Variants in IL1R1 observed in about 807,000 individuals in gnomAD.
The protein encoded by IL1R1 is interleukin-1 receptor type 1.
IL1R1 carries 22 observed loss-of-function variants against 50.2 expected under a neutral mutation model. The ratio of observed to expected loss-of-function variants is 0.44; its 90% CI spans 0.31 to 0.63. The LOEUF (loss-of-function observed/expected upper bound fraction) is 0.63. Ranked by LOEUF, IL1R1 falls within the 20% of genes least tolerant of loss-of-function variation. The pLI, the probability that IL1R1 is intolerant of heterozygous loss-of-function variation, is 0.07. For synonymous variants in IL1R1, 251 were observed against 236.7 expected (o/e 1.06, Z -0.55); for missense variants, 509 against 676.2 (o/e 0.75, Z 2.74).
At chr2:102,163,134 C>T (rs1444072522) in intron 3 of IL1R1, among the ~76,000 whole-genome samples, 1 of 152,108 alleles carries the variant, frequency 6.6e-6, no homozygotes, top group Non-Finnish European at 1.5e-5. Context: ...TTGTCCTCTG[C>T]AATAATTGTG....
intron 1 of IL1R1, among the ~76,000 whole-genome samples, chr2:102,130,969 G>A (rs1681998022): frequency 6.6e-6 from 1 of 152,222 alleles, no homozygotes; most frequent in South Asian, 2.1e-4. Context: ...GCTTACTGAT[G>A]TGAGAGTTTC....
chr2:102,104,192 A>G (rs1433519648), upstream of IL1R1, among the ~76,000 whole-genome samples: 1 of 152,000 alleles, frequency 6.6e-6, no homozygotes, highest in Non-Finnish European at 1.5e-5. Context: ...GGCCACCATG[A>G]GAAGTGGGCC....
At chr2:102,085,776 T>C (rs1336247408) in intron 1 of IL1R1, among the ~76,000 whole-genome samples, 2 of 152,154 alleles carry the variant, frequency 1.3e-5, no homozygotes, top group East Asian at 1.9e-4. Flanking sequence ...TTGCAATTAA[T>C]TTATAAATCA....
chr2:102,132,377 G>A (rs1682084731), intron 1 of IL1R1, among the ~76,000 whole-genome samples: 1 of 152,092 alleles, frequency 6.6e-6, no homozygotes, highest in African/African-American at 2.4e-5. Context: ...TAGCACAAAA[G>A]TCACGCAAGG....
chr2:102,133,060 C>T (rs4851545), intron 1 of IL1R1, among the ~76,000 whole-genome samples: 82,464 of 151,444 alleles, frequency 0.54, 22,978 homozygotes, highest in East Asian at 0.65. Context: ...CTGGCTAACA[C>T]GGTGAAACCC....
intron 1 of IL1R1, among the ~76,000 whole-genome samples, chr2:102,087,533 T>G (rs925530716): frequency 6.6e-6 from 1 of 152,192 alleles, no homozygotes; most frequent in African/African-American, 2.4e-5. Flanking sequence ...TAATGTCAAA[T>G]TGTAATTCTC....
intron 1 of IL1R1, among the ~76,000 whole-genome samples, chr2:102,135,313 C>T (rs951632858): frequency 1.3e-5 from 2 of 152,140 alleles, no homozygotes; most frequent in Non-Finnish European, 2.9e-5. Flanking sequence ...CTGACTGCTT[C>T]TGACATTCTG....
At chr2:102,157,603 T>C in intron 2 of IL1R1, 116 bp from the exon 3 acceptor site, 1 of 694,732 alleles carries the variant, frequency 1.4e-6, no homozygotes, top group South Asian at 1.6e-5. Context: ...AGTTCATCAG[T>C]GTGACTTGTG....
chr2:102,078,445 G>A (rs1679068373), intron 1 of IL1R1, among the ~76,000 whole-genome samples: 1 of 151,842 alleles, frequency 6.6e-6, no homozygotes. Flanking sequence ...TAATTAAAAA[G>A]CCTAGTTGAA....
chr2:102,173,458 C>A (rs1685858863), intron 9 of IL1R1, among the ~76,000 whole-genome samples: 1 of 152,122 alleles, frequency 6.6e-6, no homozygotes, highest in African/African-American at 2.4e-5. Context: ...TAAATACTGG[C>A]AGCATACAAA....
chr2:102,089,986 A>G (rs1392042127), intron 1 of IL1R1, among the ~76,000 whole-genome samples: 1 of 151,406 alleles, frequency 6.6e-6, no homozygotes, highest in African/African-American at 2.4e-5. Context: ...GGTGCCCGCC[A>G]CCACACCCGG....
At chr2:102,106,660 T>C (rs555530936) in intron 1 of IL1R1, among the ~76,000 whole-genome samples, 1 of 152,326 alleles carries the variant, frequency 6.6e-6, no homozygotes, top group Admixed American at 6.5e-5. Context: ...CACTGTGAGG[T>C]AAACACTGTT....
At chr2:102,104,888 G>A (rs1182166473) in intron 1 of IL1R1, 1 of 152,134 alleles carries the variant, frequency 6.6e-6, no homozygotes, top group Non-Finnish European at 1.5e-5. Context: ...ATGATTAATT[G>A]CACTGCAGGT....
intron 1 of IL1R1, among the ~76,000 whole-genome samples, chr2:102,108,945 GAATAATAATAATAATAATAAT>G (rs147984449): frequency 2.0e-4 from 29 of 145,426 alleles, no homozygotes; most frequent in Non-Finnish European, 2.6e-4. Context: ...ACTTGGTACT[GAATAATAATAATAATAATAAT>G]AATAATAATA....
intron 6 of IL1R1, among the ~76,000 whole-genome samples, chr2:102,167,980 A>G (rs562368881): frequency 6.6e-6 from 1 of 152,214 alleles, no homozygotes; most frequent in Admixed American, 6.5e-5. Context: ...TCCTACCTTC[A>G]TGGTGTTCAC....
intron 1 of IL1R1, among the ~76,000 whole-genome samples, chr2:102,078,178 G>A (rs993156995): frequency 6.6e-6 from 1 of 151,914 alleles, no homozygotes; most frequent in African/African-American, 2.4e-5. Flanking sequence ...AATACTAAAT[G>A]CCAAATATCA....
intron 1 of IL1R1, among the ~76,000 whole-genome samples, chr2:102,129,334 A>G (rs1235207023): frequency 6.6e-6 from 1 of 152,206 alleles, no homozygotes; most frequent in Non-Finnish European, 1.5e-5. Flanking sequence ...AAAAGTAGTA[A>G]ACCATTCATG....
chr2:102,171,731 A>C (rs573029569), intron 7 of IL1R1, 70 bp from the exon 8 acceptor site: 1 of 797,948 alleles, frequency 1.3e-6, no homozygotes, highest in East Asian at 3.1e-5. Flanking sequence ...TTAATTCAAT[A>C]GCCATTTATT....
chr2:102,101,118 G>C (rs1189123291), upstream of IL1R1, among the ~76,000 whole-genome samples: 1 of 152,214 alleles, frequency 6.6e-6, no homozygotes. Flanking sequence ...AGAAAGCTTA[G>C]TCAAATATAG....
Sources: gnomAD v4.1 joint callset for allele counts (sites outside exome capture counted in the v4.1 genomes callset) on GRCh38, gnomAD v4.1.1 for gene constraint, MANE v1.5 for transcripts, NCBI Gene and HGNC (gene_info 2026-07-23, HGNC 2026-07-21) for gene names.